KIF13B: variants seen among roughly 807,000 people sequenced by gnomAD.
The protein encoded by KIF13B is kinesin-like protein KIF13B.
KIF13B carries 127 observed loss-of-function variants against 222.0 expected under a neutral mutation model. The ratio of observed to expected loss-of-function variants is 0.57; its 90% CI spans 0.50 to 0.66. The LOEUF is 0.66. Among genes scored for constraint, KIF13B ranks in the 30% least tolerant of loss-of-function variants. The probability of loss-of-function intolerance (pLI) is 0.00; values close to 1 mark genes in which losing one functional copy is unlikely to be tolerated. For synonymous variants in KIF13B, 976 were observed against 919.0 expected (o/e 1.06, Z -1.12); for missense variants, 2,173 against 2,379.0 (o/e 0.91, Z 1.80).
At chr8:29,216,818 T>C (rs1248434571) in intron 2 of KIF13B, among the ~76,000 whole-genome samples, 1 of 152,144 alleles carries the variant, frequency 6.6e-6, no homozygotes, top group African/African-American at 2.4e-5. Context: ...GGCTATGACC[T>C]AGGGAAACCT....
intron 13 of KIF13B, among the ~76,000 whole-genome samples, chr8:29,159,511 A>G (rs972595125): frequency 6.6e-6 from 1 of 152,360 alleles, no homozygotes; most frequent in Admixed American, 6.5e-5. Context: ...TACAGGTATC[A>G]AACAAAAAAG....
chr8:29,139,400 T>C (rs925373956), intron 21 of KIF13B, among the ~76,000 whole-genome samples: 1 of 152,166 alleles, frequency 6.6e-6, no homozygotes, highest in Non-Finnish European at 1.5e-5. Flanking sequence ...TCTCCGATCA[T>C]CACATGACTC....
intron 4 of KIF13B, chr8:29,190,621 A>C (rs1272346252): frequency 4.9e-6 from 1 of 204,342 alleles, no homozygotes; most frequent in Non-Finnish European, 9.9e-6. Context: ...ATCAAACCCA[A>C]AGAGGAGGTT....
At chr8:29,151,033 T>A (rs907712816) in intron 14 of KIF13B, among the ~76,000 whole-genome samples, 1 of 152,234 alleles carries the variant, frequency 6.6e-6, no homozygotes, top group African/African-American at 2.4e-5. Flanking sequence ...TTGGCCAAGC[T>A]GTGAGTGCAC....
At chr8:29,162,126 G>A (rs1387545584) in intron 12 of KIF13B, among the ~76,000 whole-genome samples, 3 of 152,112 alleles carry the variant, frequency 2.0e-5, no homozygotes, top group East Asian at 1.9e-4. Context: ...GGGTACAGTC[G>A]GGGCTGGAGA....
chr8:29,198,786 G>C (rs539860984), intron 2 of KIF13B, among the ~76,000 whole-genome samples: 44 of 152,292 alleles, frequency 2.9e-4, no homozygotes, highest in Non-Finnish European at 5.9e-5. Context: ...GATGGAGCTG[G>C]AGGCCACTAT....
At chr8:29,165,892 TCTGACATCTA>T in intron 11 of KIF13B, 120 bp from the exon 12 acceptor site, 2 of 98,872 alleles carry the variant, frequency 2.0e-5, no homozygotes, top group Middle Eastern at 2.2e-3. Flanking sequence ...CACGCTGAGG[TCTGACATCTA>T]CTTCGATTGT....
Position 29,105,566 on chromosome 8 carries a change from G to C in KIF13B, c.4215+2573C>G, listed in dbSNP as rs938309980. Among the ~76,000 whole-genome samples, 9 of 151,806 alleles carry C rather than the reference G, an allele frequency of 5.9e-5. 1 individual carries two copies. The South Asian group carries it at 6.2e-4, about 11-fold the overall frequency. On this transcript the variant is annotated intron_variant, in intron 35 of 39. Coordinates refer to ENST00000524189, the MANE Select transcript of KIF13B (RefSeq NM_015254.4). ...TCCTATTTTTCTGGTGCACGTGAGG[G>C]ACAGTACTTTTCTTTGAAGTAGATT...
intron 3 of KIF13B, among the ~76,000 whole-genome samples, chr8:29,193,364 TG>T (rs2130363483): frequency 6.6e-6 from 1 of 150,764 alleles, no homozygotes; most frequent in East Asian, 1.9e-4. Flanking sequence ...CCCAAAGGAC[TG>T]GGCATCAAAC....
intron 10 of KIF13B, among the ~76,000 whole-genome samples, chr8:29,174,436 AT>A (rs547827258): frequency 8.1e-5 from 12 of 148,848 alleles, no homozygotes; most frequent in South Asian, 6.4e-4. Context: ...AGAAAAGTAA[AT>A]TTTTTTTTTT....
At chr8:29,118,109 GA>G (rs1809686440) in intron 30 of KIF13B, among the ~76,000 whole-genome samples, 1 of 151,906 alleles carries the variant, frequency 6.6e-6, no homozygotes, top group Non-Finnish European at 1.5e-5. Context: ...AGTGAGCTGA[GA>G]TCGCACCATT....
chr8:29,197,298 C>A (rs559928748), intron 2 of KIF13B, among the ~76,000 whole-genome samples: 1 of 127,894 alleles, frequency 7.8e-6, no homozygotes, highest in Non-Finnish European at 1.6e-5. Context: ...GATCCCGCCA[C>A]TGCACTCCAG....
chr8:29,179,345 G>A (rs574673886), intron 8 of KIF13B, among the ~76,000 whole-genome samples: 18 of 152,264 alleles, frequency 1.2e-4, no homozygotes, highest in Admixed American at 9.2e-4. Context: ...TCCAACTCCT[G>A]GGCTCAAGCA....
chr8:29,088,548 T>A (rs1808148897), intron 37 of KIF13B, among the ~76,000 whole-genome samples: 1 of 152,158 alleles, frequency 6.6e-6, no homozygotes, highest in South Asian at 2.1e-4. Context: ...GTTTTAGAAG[T>A]CCAAACTTCA....
intron 36 of KIF13B, among the ~76,000 whole-genome samples, chr8:29,094,199 C>T (rs954449178): frequency 1.4e-5 from 2 of 148,094 alleles, no homozygotes; most frequent in Non-Finnish European, 1.5e-5. Context: ...TCAGCTGAAT[C>T]GAATCAAGGA....
Position 29,072,125 on chromosome 8 carries a change from G to A in KIF13B, c.4713C>T (p.His1571=), listed in dbSNP as rs1807321578. Residue 1571 remains histidine, a synonymous_variant, in exon 39 of 40, where the codon CAC becomes CAT. Transcript: ENST00000524189. ...CCGACAGGGTCGCGGTGGAGACGCT[G>A]TGGGAGAAGTACCCGCTAGAGGCTT... is the stretch of plus-strand genomic sequence containing the variant. ...LSEASSGYFS[H]SVSTATLSDA... 2 of 1,385,256 alleles carry A rather than the reference G, an allele frequency of 1.4e-6. No homozygotes were observed. Among genetic ancestry groups the A allele is most frequent in the East Asian group, 5.8e-5 (2 of 34,286 alleles). The allele number at this position is 1,385,256 out of a possible 1,614,324, so 85.8% of individuals were successfully genotyped here.
intron 5 of KIF13B, 63 bp from the exon 6 acceptor site, chr8:29,186,535 TC>T: frequency 7.3e-7 from 1 of 1,367,354 alleles, no homozygotes; most frequent in Non-Finnish European, 1.0e-6. Context: ...TAACCCTCTT[TC>T]CGTTGCTCAT....
intron 23 of KIF13B, among the ~76,000 whole-genome samples, chr8:29,130,938 T>C (rs562452394): frequency 1.2e-3 from 180 of 152,150 alleles, no homozygotes; most frequent in African/African-American, 4.3e-3. Context: ...ACTCAAAAAT[T>C]GGAAATTCTA....
intron 2 of KIF13B, among the ~76,000 whole-genome samples, chr8:29,207,001 G>A (rs1371405098): frequency 1.3e-5 from 2 of 152,108 alleles, no homozygotes; most frequent in South Asian, 2.1e-4. Context: ...GGTTTACCAC[G>A]CAACTTCCTA....
Sources: allele counts gnomAD v4.1 joint callset (sites outside exome capture counted in the v4.1 genomes callset), GRCh38; gene constraint gnomAD v4.1.1; transcripts MANE v1.5; gene names NCBI Gene and HGNC (gene_info 2026-07-23, HGNC 2026-07-21).